Variants in ATP10B observed in about 807,000 individuals in gnomAD.
The protein encoded by ATP10B is ATPase phospholipid transporting 10B (putative).
Under a neutral mutation model 141.2 loss-of-function variants are expected in ATP10B, and 122 were observed. The observed-to-expected ratio is 0.86, with a 90% CI of 0.75 to 1.00. The LOEUF (loss-of-function observed/expected upper bound fraction) is 1.00. Ranked by LOEUF, ATP10B falls within the 50% of genes least tolerant of loss-of-function variation. ATP10B has a pLI of 0.00. For synonymous variants in ATP10B, 685 were observed against 692.0 expected, an observed-to-expected ratio of 0.99 and a Z score of 0.16; for missense variants, 1,876 against 1,825.3, an observed-to-expected ratio of 1.03 and a Z score of -0.51.
At chr5:160,771,308 G>A (rs1422076034) in intron 2 of ATP10B, among the ~76,000 whole-genome samples, 2 of 152,130 alleles carry the variant, frequency 1.3e-5, no homozygotes, top group East Asian at 3.8e-4. Context: ...GAGTATTTGG[G>A]ATTATTCCTA....
chr5:160,849,135 T>C, intron 1 of ATP10B, among the ~76,000 whole-genome samples: 1 of 152,174 alleles, frequency 6.6e-6, no homozygotes, highest in South Asian at 2.1e-4. Context: ...CTCTAGGTTG[T>C]ACTTGGGGAG....
chr5:160,692,430 G>A (rs562780675), intron 3 of ATP10B, among the ~76,000 whole-genome samples: 1 of 152,246 alleles, frequency 6.6e-6, no homozygotes, highest in East Asian at 1.9e-4. Flanking sequence ...CAGAAATAGA[G>A]TCATAACTAA....
intron 6 of ATP10B, among the ~76,000 whole-genome samples, chr5:160,683,532 C>G (rs550764791): frequency 6.6e-6 from 1 of 152,332 alleles, no homozygotes; most frequent in Non-Finnish European, 1.5e-5. Context: ...GAAGAGAACC[C>G]CTCCTTAGAA....
intron 24 of ATP10B, among the ~76,000 whole-genome samples, chr5:160,582,615 T>G (rs1043963152): frequency 1.3e-5 from 2 of 151,622 alleles, no homozygotes; most frequent in Non-Finnish European, 3.0e-5. Context: ...GACAATTATG[T>G]GTCTTGGCCT....
At chr5:160,731,347 G>T (rs1189647474) in intron 2 of ATP10B, among the ~76,000 whole-genome samples, 1 of 152,194 alleles carries the variant, frequency 6.6e-6, no homozygotes, top group Non-Finnish European at 1.5e-5. Context: ...CTCTGCTGGT[G>T]AATTTGGTTC....
In ATP10B at chr5:160,634,372, A is replaced by G. The variant is rs1186232268; in HGVS notation, c.1363T>C (p.Tyr455His). ...FRRCTIMGSE[Y>H]SHQENAKRLE... is the part of the protein sequence containing the mutation. ...TCTATACCATTTTCTTGGTGAGAATACTCGCTGCCCATGATGGTGCAACGT... is the reference window on the plus strand; with the variant it reads ...TCTATACCATTTTCTTGGTGAGAATGCTCGCTGCCCATGATGGTGCAACGT... The change falls in exon 12 of 26, where the codon TAT (tyrosine) becomes CAT (histidine). Residue 455 changes from tyrosine to histidine, a missense_variant. By Grantham distance (83) the Tyr-to-His change is moderately conservative (BLOSUM62 2). Transcript: ENST00000327245. 3 of 1,613,904 alleles carry G rather than the reference A, an allele frequency of 1.9e-6. No homozygotes were observed. The Admixed American group carries it at 5.0e-5, about 27-fold the overall frequency.
At chr5:160,637,704 T>C (rs573114039) in intron 10 of ATP10B, among the ~76,000 whole-genome samples, 10 of 152,366 alleles carry the variant, frequency 6.6e-5, no homozygotes, top group Admixed American at 5.2e-4. Context: ...TATAGAGTTA[T>C]TGTGAAAATA....
the ATP10B span, among the ~76,000 whole-genome samples, chr5:160,893,411 A>G: frequency 1.3e-5 from 2 of 152,144 alleles, no homozygotes; most frequent in Non-Finnish European, 2.9e-5. Context: ...TTCCCCTCCC[A>G]GTGTAAACAA....
chr5:160,584,747 G>A (rs1383282374), intron 24 of ATP10B, among the ~76,000 whole-genome samples: 1 of 152,146 alleles, frequency 6.6e-6, no homozygotes, highest in Admixed American at 6.5e-5. Context: ...TCTTGCAGAA[G>A]TATGTTCCTT....
chr5:160,874,669 C>T, the ATP10B span, among the ~76,000 whole-genome samples: 1 of 152,088 alleles, frequency 6.6e-6, no homozygotes, highest in South Asian at 2.1e-4. Context: ...CTAGAATAAT[C>T]AATACAGAGA....
At chr5:160,628,365 C>T (rs1240135169) in intron 13 of ATP10B, among the ~76,000 whole-genome samples, 1 of 152,234 alleles carries the variant, frequency 6.6e-6, no homozygotes, top group Non-Finnish European at 1.5e-5. Context: ...CCTGTGTGAT[C>T]ACATCACTTC....
Position 160,644,212 on chromosome 5 carries a change from C to A in ATP10B, c.794G>T (p.Gly265Val), listed in dbSNP as rs1316056513. The A allele has an allele frequency of 1.2e-6, 2 of 1,613,844 alleles. No individual in the cohort carries two copies. Among genetic ancestry groups the A allele is most frequent in the South Asian group, 1.1e-5 (1 of 91,052 alleles). ...EHPDQTRTGFGCESLLLRGCT... is the reference protein window; with the variant it reads ...EHPDQTRTGFVCESLLLRGCT... Reference sequence around the variant, plus strand: ...GCCTCGAAGCAGAAGACTCTCACAGCCAAAGCCAGTCCTGGTCTGGTCAGG... The same window carrying A: ...GCCTCGAAGCAGAAGACTCTCACAGACAAAGCCAGTCCTGGTCTGGTCAGG... Residue 265 changes from glycine (G) to valine (V), a missense_variant, in exon 9 of 26, where the codon GGC (glycine) becomes GTC (valine). Physicochemically the swap from Gly to Val is moderately radical, Grantham distance 109 (BLOSUM62 -3). Coordinates refer to ENST00000327245, the MANE Select transcript of ATP10B (RefSeq NM_025153.3).
At position 160,571,686 on chromosome 5, in the gene ATP10B, G is replaced by A. The variant is rs6898991; in HGVS notation, c.3751-2003C>T. On this transcript the variant is annotated intron_variant, in intron 24 of 25. Coordinates refer to ENST00000327245, the MANE Select transcript of ATP10B (RefSeq NM_025153.3). ...GAATTGTGTACATCTGCATATGCAT[G>A]TGTGTGTGTGTTTGTATTTTGCAAT... 7.3e-3 allele frequency among the ~76,000 whole-genome samples: 1,107 copies of A among 151,990 alleles called. 13 individuals are homozygous for A. Among genetic ancestry groups the A allele is most frequent in the African/African-American group, 0.024 (1,006 of 41,350 alleles).
At chr5:160,592,927 G>A (rs944189948) in intron 22 of ATP10B, among the ~76,000 whole-genome samples, 1 of 152,242 alleles carries the variant, frequency 6.6e-6, no homozygotes, top group South Asian at 2.1e-4. Context: ...CGAACTGGGT[G>A]GAGCCCACCA....
intron 7 of ATP10B, among the ~76,000 whole-genome samples, chr5:160,659,203 C>T (rs1027083524): frequency 3.3e-5 from 5 of 152,144 alleles, no homozygotes; most frequent in South Asian, 2.1e-4. Context: ...CAGTGGCTCA[C>T]GCCTGTAATC....
chr5:160,731,499 T>C (rs1766737074), intron 2 of ATP10B, among the ~76,000 whole-genome samples: 1 of 152,184 alleles, frequency 6.6e-6, no homozygotes, highest in African/African-American at 2.4e-5. Flanking sequence ...CCCTAATATC[T>C]AGTTGTAGAA....
chr5:160,588,065 G>T (rs1756029277), intron 24 of ATP10B, among the ~76,000 whole-genome samples: 2 of 152,132 alleles, frequency 1.3e-5, no homozygotes, highest in African/African-American at 4.8e-5. Flanking sequence ...GGCCAGGCTG[G>T]TCTTGAACTT....
chr5:160,792,511 C>G (rs1308281725), intron 1 of ATP10B, among the ~76,000 whole-genome samples: 1 of 152,050 alleles, frequency 6.6e-6, no homozygotes, highest in African/African-American at 2.4e-5. Context: ...TCTGAGTCAC[C>G]TCTCTGAAGA....
At chr5:160,862,640 A>C in the ATP10B span, among the ~76,000 whole-genome samples, 2 of 151,972 alleles carry the variant, frequency 1.3e-5, no homozygotes, top group African/African-American at 2.4e-5. Context: ...AATAAGGCAG[A>C]AATTGTTACT....
Sources: allele counts gnomAD v4.1 joint callset (sites outside exome capture counted in the v4.1 genomes callset), GRCh38; gene constraint gnomAD v4.1.1; transcripts MANE v1.5; gene names NCBI Gene and HGNC (gene_info 2026-07-23, HGNC 2026-07-21).